The following PKIB variants were observed in gnomAD, a reference collection of about 807,000 sequenced individuals.
The protein encoded by PKIB is cAMP-dependent protein kinase inhibitor beta.
PKIB carries 2 observed loss-of-function variants against 4.5 expected under a neutral mutation model. The ratio of observed to expected loss-of-function variants is 0.44; its 90% confidence interval spans 0.18 to 1.39. PKIB has a LOEUF of 1.39. PKIB is among the 40% of genes most tolerant of loss of function. The pLI, the probability that PKIB is intolerant of heterozygous loss-of-function variation, is 0.27. For synonymous variants in PKIB, 38 were observed against 36.0 expected, an observed-to-expected ratio of 1.06 and a Z score of -0.20; for missense variants, 94 against 92.6, an observed-to-expected ratio of 1.02 and a Z score of -0.06.
At position 122,628,500 on chromosome 6, in the gene PKIB, A is replaced by G. The variant is rs544797574; in HGVS notation, c.-160-4783A>G. ...CTATGTGATCTTGGGTAAGTTACTGAATATTTTTGAGCTTCAGTTTTGTCA... is the reference window on the plus strand; with the variant it reads ...CTATGTGATCTTGGGTAAGTTACTGGATATTTTTGAGCTTCAGTTTTGTCA... On this transcript the variant is annotated intron_variant, in intron 1 of 4. Transcript: ENST00000368452. Among the ~76,000 whole-genome samples, 100 of 152,308 alleles carry G rather than the reference A, an allele frequency of 6.6e-4. 1 individual carries two copies. The highest frequency in any genetic ancestry group is 2.4e-3 in the African/African-American group (99 of 41,572).
intron 3 of PKIB, among the ~76,000 whole-genome samples, chr6:122,707,623 G>T (rs191424647): frequency 3.1e-3 from 469 of 152,140 alleles, no homozygotes; most frequent in Middle Eastern, 0.017. Context: ...TACATAGTTG[G>T]TATATGCTCT....
At chr6:122,620,302 G>A (rs77722292) in intron 1 of PKIB, among the ~76,000 whole-genome samples, 1 of 152,048 alleles carries the variant, frequency 6.6e-6, no homozygotes, top group African/African-American at 2.4e-5. Flanking sequence ...ATCCAATATC[G>A]TGACCTCTCA....
chr6:122,529,938 G>GT (rs1180747395), intron 2 of PKIB, among the ~76,000 whole-genome samples: 1 of 152,040 alleles, frequency 6.6e-6, no homozygotes, highest in African/African-American at 2.4e-5. Flanking sequence ...ATTGGTTGGA[G>GT]TTTTTTCAGC....
intron 2 of PKIB, among the ~76,000 whole-genome samples, chr6:122,526,912 A>G (rs543006365): frequency 6.6e-6 from 1 of 152,264 alleles, no homozygotes; most frequent in African/African-American, 2.4e-5. Context: ...CTTCCAATAT[A>G]AGGTTGTTTT....
At chr6:122,498,634 A>G (rs1397699720) in intron 2 of PKIB, among the ~76,000 whole-genome samples, 3 of 152,252 alleles carry the variant, frequency 2.0e-5, no homozygotes, top group African/African-American at 7.2e-5. Flanking sequence ...ATTTCAAAGT[A>G]ATGAGCTAAC....
intron 2 of PKIB, among the ~76,000 whole-genome samples, chr6:122,514,542 G>C (rs1044079240): frequency 1.3e-5 from 2 of 152,178 alleles, no homozygotes; most frequent in Non-Finnish European, 2.9e-5. Flanking sequence ...GATTCACAAA[G>C]TGGCATATAT....
At chr6:122,641,893 A>G (rs1325843989) in intron 2 of PKIB, among the ~76,000 whole-genome samples, 2 of 152,096 alleles carry the variant, frequency 1.3e-5, no homozygotes, top group Non-Finnish European at 2.9e-5. Flanking sequence ...AGGTTTCACC[A>G]TATTGGCCAG....
intron 3 of PKIB, among the ~76,000 whole-genome samples, chr6:122,681,700 A>T (rs1003370557): frequency 1.3e-5 from 2 of 152,224 alleles, no homozygotes; most frequent in Admixed American, 1.3e-4. Flanking sequence ...AAAATATGTC[A>T]TAATTTACTT....
chr6:122,497,897 C>A (rs896654840), intron 2 of PKIB, among the ~76,000 whole-genome samples: 1 of 152,148 alleles, frequency 6.6e-6, no homozygotes, highest in Non-Finnish European at 1.5e-5. Flanking sequence ...ACCCATCAAC[C>A]AACCACAGAA....
rs1211175370 is a variant in PKIB, at chr6:122,538,234, T to C, written c.-247-47687T>C. Among the ~76,000 whole-genome samples, 331 of 152,064 alleles carry C rather than the reference T, an allele frequency of 2.2e-3. 1 individual carries two copies. Among genetic ancestry groups the C allele is most frequent in the African/African-American group, 7.6e-3 (313 of 41,344 alleles). Reference sequence around the variant, plus strand: ...TTTGTTGCCATTGCTTTTGGTGTTTTAGACATGAAGTCCTTGCCCATGCCT... The same window carrying C: ...TTTGTTGCCATTGCTTTTGGTGTTTCAGACATGAAGTCCTTGCCCATGCCT... On this transcript the variant is annotated intron_variant, in intron 2 of 6. Coordinates refer to the PKIB transcript ENST00000392491.
chr6:122,625,887 G>A (rs1775422440), intron 1 of PKIB, among the ~76,000 whole-genome samples: 1 of 152,082 alleles, frequency 6.6e-6, no homozygotes, highest in African/African-American at 2.4e-5. Context: ...TGGGCAACAT[G>A]GACAAATTCC....
chr6:122,502,424 A>G (rs1206861210), intron 2 of PKIB, among the ~76,000 whole-genome samples: 1 of 151,822 alleles, frequency 6.6e-6, no homozygotes, highest in Non-Finnish European at 1.5e-5. Context: ...TGCAGGCTGT[A>G]CAGGAGGCAT....
intron 1 of PKIB, among the ~76,000 whole-genome samples, chr6:122,631,100 A>G (rs572709547): frequency 6.6e-4 from 101 of 152,334 alleles, no homozygotes; most frequent in African/African-American, 2.3e-3. Context: ...AACAGAACAA[A>G]CAAACATCCT....
At chr6:122,580,992 G>A (rs1207615368) in intron 2 of PKIB, among the ~76,000 whole-genome samples, 1 of 152,116 alleles carries the variant, frequency 6.6e-6, no homozygotes, top group African/African-American at 2.4e-5. Flanking sequence ...CTGTATTACA[G>A]ACTGTAGCCT....
intron 2 of PKIB, among the ~76,000 whole-genome samples, chr6:122,575,697 T>TAC (rs1773510404): frequency 6.6e-6 from 1 of 152,128 alleles, no homozygotes; most frequent in Non-Finnish European, 1.5e-5. Flanking sequence ...TGCTCTTACT[T>TAC]ATAAGTGGGA....
chr6:122,543,546 A>G (rs1326793968), intron 2 of PKIB, among the ~76,000 whole-genome samples: 1 of 151,630 alleles, frequency 6.6e-6, no homozygotes, highest in Non-Finnish European at 1.5e-5. Context: ...TGCCCAGCTA[A>G]TTTTCGTATT....
chr6:122,616,472 C>T lies in PKIB; in HGVS notation c.-161+5937C>T, dbSNP rs552280050. Among the ~76,000 whole-genome samples the T allele has an allele frequency of 5.3e-5, 8 of 152,180 alleles. No individual in the cohort carries two copies. The South Asian group carries it at 8.3e-4, about 16-fold the overall frequency. On this transcript the variant is annotated intron_variant, in intron 1 of 4. Coordinates refer to ENST00000368452, the MANE Select transcript of PKIB (RefSeq NM_181795.3). ...TAGGTGAAAGATGGAGGAGACGGTT[C>T]GGTATGCAGGGAATCACGCGACACA... is the stretch of plus-strand genomic sequence containing the variant.
intron 3 of PKIB, among the ~76,000 whole-genome samples, chr6:122,690,932 A>ATAT (rs1278838118): frequency 0.022 from 3,047 of 138,512 alleles, 60 homozygotes; most frequent in Admixed American, 0.037. Flanking sequence ...ATATATATAT[A>ATAT]TTTTTTTTTT....
chr6:122,715,016 G>A (rs534255224), intron 3 of PKIB, among the ~76,000 whole-genome samples: 10 of 150,778 alleles, frequency 6.6e-5, no homozygotes, highest in Admixed American at 5.9e-4. Context: ...CAAACTTCTG[G>A]CCTCATGATC....
Sources: gnomAD v4.1 joint callset for allele counts (sites outside exome capture counted in the v4.1 genomes callset) on GRCh38, gnomAD v4.1.1 for gene constraint, MANE v1.5 for transcripts, NCBI Gene and HGNC (gene_info 2026-07-23, HGNC 2026-07-21) for gene names.